Variants in INSL6 observed in about 807,000 individuals in gnomAD.
The protein encoded by INSL6 is insulin-like peptide INSL6.
INSL6 carries 16 observed loss-of-function variants against 9.4 expected under a neutral mutation model. That is an observed-to-expected ratio of 1.70 (90% CI 1.15 to 2.59). INSL6 has a LOEUF of 2.59. Among genes scored for constraint, INSL6 ranks in the 30% most tolerant of loss-of-function variants. The pLI, the probability that INSL6 is intolerant of heterozygous loss-of-function variation, is 0.00. For missense variants in INSL6, 391 were observed against 257.3 expected (o/e 1.52, Z -3.56); for synonymous variants, 154 against 96.9 (o/e 1.59, Z -3.46).
chr9:5,030,004 C>G, the INSL6 span: 2 of 994,148 alleles, frequency 2.0e-6, no homozygotes, highest in South Asian at 3.6e-5. Flanking sequence ...TACCAGATAC[C>G]TGAACCAATT....
At chr9:5,115,941 A>T in the INSL6 span, among the ~76,000 whole-genome samples, 1 of 152,182 alleles carries the variant, frequency 6.6e-6, no homozygotes, top group East Asian at 1.9e-4. Context: ...TAGCTTTAAG[A>T]GAAATACCTA....
chr9:5,089,768 A>T, the INSL6 span: 1 of 1,598,944 alleles, frequency 6.3e-7, no homozygotes, highest in Non-Finnish European at 8.5e-7. Flanking sequence ...CATAGTACTG[A>T]AGAGCACCTA....
At chr9:5,077,359 A>G in the INSL6 span, 43 of 420,590 alleles carry the variant, frequency 1.0e-4, no homozygotes, top group African/African-American at 7.7e-4. Flanking sequence ...TTCTTTACCT[A>G]TAATGGTCAC....
At chr9:4,999,648 C>T in the INSL6 span, among the ~76,000 whole-genome samples, 14 of 152,224 alleles carry the variant, frequency 9.2e-5, no homozygotes, top group East Asian at 2.7e-3. Flanking sequence ...AACTGAAGAA[C>T]TTGGAGTCTG....
the INSL6 span, among the ~76,000 whole-genome samples, chr9:5,033,440 A>T: frequency 6.6e-6 from 1 of 152,230 alleles, no homozygotes; most frequent in African/African-American, 2.4e-5. Context: ...CATAATTGTC[A>T]GATTCACCAA....
At chr9:5,101,304 CGTGAGGCAGCA>C in the INSL6 span, among the ~76,000 whole-genome samples, 1 of 152,220 alleles carries the variant, frequency 6.6e-6, no homozygotes, top group Non-Finnish European at 1.5e-5. Context: ...AAGATCCACC[CGTGAGGCAGCA>C]GCCTGGCAGG....
the INSL6 span, among the ~76,000 whole-genome samples, chr9:5,012,029 C>T: frequency 6.6e-6 from 1 of 152,172 alleles, no homozygotes; most frequent in African/African-American, 2.4e-5. Context: ...TTGCCTGTCC[C>T]TGGGCTTCGA....
chr9:5,088,984 T>A, the INSL6 span, among the ~76,000 whole-genome samples: 4 of 152,248 alleles, frequency 2.6e-5, no homozygotes, highest in African/African-American at 7.2e-5. Context: ...TCCATCCAGA[T>A]CACTGACAGT....
the INSL6 span, chr9:5,029,797 T>C: frequency 6.2e-7 from 1 of 1,610,914 alleles, no homozygotes; most frequent in South Asian, 1.1e-5. Context: ...CACACCTGTG[T>C]ATCATAATAT....
the INSL6 span, chr9:5,111,049 G>C: frequency 1.0e-6 from 1 of 1,004,002 alleles, no homozygotes; most frequent in African/African-American, 1.6e-5. Flanking sequence ...GCAATTCAGA[G>C]GTTCAGGTCT....
chr9:5,105,789 C>T, the INSL6 span, among the ~76,000 whole-genome samples: 1 of 152,116 alleles, frequency 6.6e-6, no homozygotes, highest in African/African-American at 2.4e-5. Context: ...CTTTGACAAA[C>T]CTGACAAAAA....
chr9:5,174,317 T>A (rs1180683806), intron 1 of INSL6, among the ~76,000 whole-genome samples: 1 of 152,186 alleles, frequency 6.6e-6, no homozygotes, highest in African/African-American at 2.4e-5. Flanking sequence ...TTGTTCCTCT[T>A]CTCTCACTGT....
At chr9:5,122,894 A>T, downstream of INSL6, 1 of 656,690 alleles carries the variant, frequency 1.5e-6, no homozygotes, top group African/African-American at 1.9e-5. Context: ...TGCTGTGATA[A>T]CTCTTTTCTC....
intron 2 of INSL6, among the ~76,000 whole-genome samples, chr9:5,150,871 A>ACACACACACACACACACG (rs1824699098): frequency 6.6e-6 from 1 of 151,864 alleles, no homozygotes; most frequent in Admixed American, 6.6e-5. Flanking sequence ...ACACACACAC[A>ACACACACACACACACACG]CACACACACA....
At chr9:5,176,589 A>T (rs1397364662) in intron 1 of INSL6, among the ~76,000 whole-genome samples, 2 of 151,640 alleles carry the variant, frequency 1.3e-5, no homozygotes, top group Non-Finnish European at 2.9e-5. Flanking sequence ...TACGATGATT[A>T]AAAAAAAATC....
intron 2 of INSL6, among the ~76,000 whole-genome samples, chr9:5,145,015 C>G (rs1474903186): frequency 6.6e-6 from 1 of 152,114 alleles, no homozygotes; most frequent in Non-Finnish European, 1.5e-5. Flanking sequence ...ATAATGCTGG[C>G]TGGTTATTTT....
At chr9:5,129,089 T>G (rs1255479235) in intron 3 of INSL6, among the ~76,000 whole-genome samples, 1 of 152,046 alleles carries the variant, frequency 6.6e-6, no homozygotes, top group Non-Finnish European at 1.5e-5. Flanking sequence ...CAGTCAAGTG[T>G]AATTTTCATC....
At chr9:5,067,853 A>G in the INSL6 span, among the ~76,000 whole-genome samples, 4 of 152,124 alleles carry the variant, frequency 2.6e-5, no homozygotes, top group African/African-American at 9.7e-5. Context: ...AGACAGGTTT[A>G]CAATTATTAA....
At chr9:5,092,540 T>G in the INSL6 span, among the ~76,000 whole-genome samples, 10 of 152,224 alleles carry the variant, frequency 6.6e-5, no homozygotes, top group African/African-American at 2.4e-4. Context: ...CCATTTACCT[T>G]AGACAAAAGA....
Sources: allele counts gnomAD v4.1 joint callset (sites outside exome capture counted in the v4.1 genomes callset), GRCh38; gene constraint gnomAD v4.1.1; transcripts MANE v1.5; gene names NCBI Gene and HGNC (gene_info 2026-07-23, HGNC 2026-07-21).